SLF1: variants seen among roughly 807,000 people sequenced by gnomAD.
SLF1 encodes the protein SMC5-SMC6 complex localization factor protein 1.
In SLF1, 105 loss-of-function variants were observed where a neutral mutation model predicts 123.0. The observed-to-expected ratio is 0.85, with a 90% confidence interval of 0.73 to 1.00. The LOEUF is 1.00. SLF1 is among the 50% of genes least tolerant of loss of function. The pLI is 0.00. For synonymous variants in SLF1, 434 were observed against 406.6 expected (o/e 1.07, Z -0.81); for missense variants, 1,239 against 1,223.0 (o/e 1.01, Z -0.20).
At chr5:94,632,466 A>C (rs573626027) in intron 4 of SLF1, among the ~76,000 whole-genome samples, 1 of 152,198 alleles carries the variant, frequency 6.6e-6, no homozygotes. Context: ...TTATAGGTCA[A>C]ATCTTAACAA....
intron 1 of SLF1, among the ~76,000 whole-genome samples, chr5:94,620,600 A>C (rs1791694658): frequency 2.0e-5 from 3 of 152,188 alleles, no homozygotes; most frequent in Admixed American, 6.5e-5. Context: ...TTTAAATAAA[A>C]CTTTTTTAGA....
chr5:94,645,870 C>T (rs1165410028), intron 5 of SLF1, among the ~76,000 whole-genome samples: 1 of 152,208 alleles, frequency 6.6e-6, no homozygotes, highest in Non-Finnish European at 1.5e-5. Context: ...ATTTCAGTGT[C>T]TTGCTTTTCT....
At chr5:94,682,991 T>G (rs1465330124) in intron 15 of SLF1, among the ~76,000 whole-genome samples, 5 of 152,224 alleles carry the variant, frequency 3.3e-5, no homozygotes, top group African/African-American at 1.2e-4. Context: ...CAGTAAAACT[T>G]TATTCGTAAA....
In SLF1 at chr5:94,673,691, TAAAAAAAAAAAA is replaced by T. The variant is rs35649653; in HGVS notation, c.1827+2696_1827+2707del. ...GGTGACAGAGTGAGACCTTGTCTCT[TAAAAAAAAAAAA>T]AAAAAAAAAAAATTCATCTGAATTA... On this transcript the variant is annotated intron_variant, in intron 14 of 20. Coordinates refer to ENST00000265140, the MANE Select transcript of SLF1 (RefSeq NM_032290.4). Among the ~76,000 whole-genome samples the T allele has an allele frequency of 7.5e-5, 9 of 119,724 alleles. No individual in the cohort carries two copies. The East Asian group carries it at 2.1e-3, about 28-fold the overall frequency. 78.5% of individuals were successfully genotyped at this position (119,724 alleles called of 152,430 possible).
chr5:94,688,751 T>C, intron 17 of SLF1, 82 bp downstream of exon 17: 1 of 1,458,298 alleles, frequency 6.9e-7, no homozygotes, highest in East Asian at 2.3e-5. Context: ...TTAATGGTTA[T>C]CTGTGATACT....
intron 1 of SLF1, among the ~76,000 whole-genome samples, chr5:94,621,469 G>T (rs1262838866): frequency 6.6e-6 from 1 of 152,136 alleles, no homozygotes; most frequent in East Asian, 1.9e-4. Flanking sequence ...ATTAAATCCT[G>T]CTTGTTCAAC....
At chr5:94,669,700 A>G (rs1456565944) in intron 12 of SLF1, among the ~76,000 whole-genome samples, 1 of 103,016 alleles carries the variant, frequency 9.7e-6, no homozygotes, top group Non-Finnish European at 2.0e-5. Flanking sequence ...AATATTAAAA[A>G]CGCTAAAAAA....
At chr5:94,630,858 C>A in intron 4 of SLF1, 115 bp downstream of exon 4, 3 of 1,123,116 alleles carry the variant, frequency 2.7e-6, no homozygotes, top group Non-Finnish European at 1.2e-6. Context: ...TGGTGATTTA[C>A]TCCAATCTCC....
rs962838631 is a variant in SLF1 at position 94,657,138 on chromosome 5, T to C, written c.1155+2386T>C. The stretch of plus-strand genomic sequence containing the variant: ...TTCTTCCTTGAGGTGCATTGTTAAG[T>C]TGATTATTTGAGATCTTTCTACTTT... On this transcript the variant is annotated intron_variant, in intron 9 of 20. Coordinates refer to ENST00000265140, the MANE Select transcript of SLF1 (RefSeq NM_032290.4). Among the ~76,000 whole-genome samples the C allele has an allele frequency of 7.3e-5, 11 of 151,558 alleles. 1 individual carries two copies. Among genetic ancestry groups the C allele is most frequent in the Non-Finnish European group, 8.9e-5 (6 of 67,720 alleles).
intron 18 of SLF1, among the ~76,000 whole-genome samples, chr5:94,690,922 G>A (rs541503948): frequency 1.0e-4 from 14 of 139,918 alleles, no homozygotes; most frequent in African/African-American, 2.9e-4. Flanking sequence ...TTTTACATCC[G>A]TGTGTGTGTC....
chr5:94,628,505 T>G (rs1744844401), intron 1 of SLF1, among the ~76,000 whole-genome samples: 1 of 152,260 alleles, frequency 6.6e-6, no homozygotes, highest in Admixed American at 6.5e-5. Flanking sequence ...TTCTATCATT[T>G]TCTGAAGAAG....
chr5:94,691,283 T>A, intron 18 of SLF1: 1 of 328,030 alleles, frequency 3.0e-6, no homozygotes, highest in Non-Finnish European at 5.5e-6. Context: ...GCTTTAAACC[T>A]TGAACTAGGG....
At chr5:94,653,200 T>C in intron 7 of SLF1, 72 bp from the exon 8 acceptor site, 1 of 1,353,506 alleles carries the variant, frequency 7.4e-7, no homozygotes, top group South Asian at 1.4e-5. Flanking sequence ...TGAAAGTCAC[T>C]CTTGAGTTTA....
At chr5:94,629,913 G>A (rs925997875) in intron 3 of SLF1, among the ~76,000 whole-genome samples, 2 of 152,146 alleles carry the variant, frequency 1.3e-5, no homozygotes, top group African/African-American at 4.8e-5. Context: ...GGGAGGCCAA[G>A]GCAAAAGGAT....
At position 94,678,835 on chromosome 5, in the gene SLF1, T is replaced by C. The variant is rs1751418836; in HGVS notation, c.1855T>C (p.Leu619=). The part of the protein sequence containing the change: ...DVFKHELAYL[L]AGILGAAIDY... Reference sequence around the variant, plus strand: ...CTTCAAACATGAACTAGCTTACTTATTGGCTGGAATTCTTGGAGCAGCAAT... The same window carrying C: ...CTTCAAACATGAACTAGCTTACTTACTGGCTGGAATTCTTGGAGCAGCAAT... Residue 619 remains leucine (L), a synonymous_variant, in exon 15 of 21, where the codon TTG becomes CTG. Coordinates refer to ENST00000265140, the MANE Select transcript of SLF1 (RefSeq NM_032290.4). The C allele has an allele frequency of 6.2e-7, 1 of 1,613,506 alleles. No individual in the cohort carries two copies. Among genetic ancestry groups the C allele is most frequent in the Non-Finnish European group, 8.5e-7 (1 of 1,179,614 alleles).
At chr5:94,627,173 A>T (rs975932296) in intron 1 of SLF1, among the ~76,000 whole-genome samples, 2 of 152,204 alleles carry the variant, frequency 1.3e-5, no homozygotes, top group Non-Finnish European at 2.9e-5. Flanking sequence ...GTTTACTTGT[A>T]ATTGTATTGA....
intron 14 of SLF1, among the ~76,000 whole-genome samples, chr5:94,676,826 T>G (rs1751121677): frequency 6.6e-6 from 1 of 152,248 alleles, no homozygotes. Flanking sequence ...AACCAGAAAT[T>G]AAACTTTGGT....
At chr5:94,688,907 A>G (rs567565775) in intron 17 of SLF1, among the ~76,000 whole-genome samples, 2 of 152,354 alleles carry the variant, frequency 1.3e-5, no homozygotes, top group South Asian at 4.1e-4. Flanking sequence ...ATTATTGATG[A>G]AATACAGTTC....
chr5:94,683,582 T>G (rs542770105), intron 15 of SLF1, among the ~76,000 whole-genome samples: 6 of 152,318 alleles, frequency 3.9e-5, no homozygotes, highest in Non-Finnish European at 7.4e-5. Context: ...AGTAGAAGTT[T>G]GACAGGGCAG....
Sources: allele counts gnomAD v4.1 joint callset (sites outside exome capture counted in the v4.1 genomes callset), GRCh38; gene constraint gnomAD v4.1.1; transcripts MANE v1.5; gene names NCBI Gene and HGNC (gene_info 2026-07-23, HGNC 2026-07-21).